The following IREB2 variants were observed in gnomAD, a reference collection of about 807,000 sequenced individuals.
IREB2 encodes the protein iron-responsive element-binding protein 2.
Under a neutral mutation model 118.8 loss-of-function variants are expected in IREB2, and 39 were observed. That is an observed-to-expected ratio of 0.33 (90% CI 0.25 to 0.43). The LOEUF (loss-of-function observed/expected upper bound fraction) is 0.43, where lower values mean the gene tolerates loss of function less well. Among genes scored for constraint, IREB2 ranks in the 20% least tolerant of loss-of-function variants. The probability of loss-of-function intolerance (pLI) is 1.00; values close to 1 mark genes in which losing one functional copy is unlikely to be tolerated. For synonymous variants in IREB2, 372 were observed against 392.2 expected (o/e 0.95, Z 0.61); for missense variants, 900 against 1,147.3 (o/e 0.78, Z 3.11).
intron 20 of IREB2, among the ~76,000 whole-genome samples, chr15:78,495,761 C>G (rs1348189688): frequency 6.6e-6 from 1 of 152,070 alleles, no homozygotes; most frequent in African/African-American, 2.4e-5. Context: ...AAAAAAAATT[C>G]TACTTTTTGC....
chr15:78,443,783 A>G (rs2050883205), intron 2 of IREB2, among the ~76,000 whole-genome samples: 1 of 152,026 alleles, frequency 6.6e-6, no homozygotes, highest in African/African-American at 2.4e-5. Flanking sequence ...AGTAGCTGGG[A>G]CTACAGGTGT....
intron 11 of IREB2, among the ~76,000 whole-genome samples, chr15:78,483,905 C>A (rs2051616532): frequency 6.6e-6 from 1 of 151,876 alleles, no homozygotes; most frequent in Admixed American, 6.6e-5. Flanking sequence ...CTGCCTCAGC[C>A]CCCAAAGTAG....
intron 11 of IREB2, among the ~76,000 whole-genome samples, chr15:78,484,391 T>C (rs1326464192): frequency 6.6e-6 from 1 of 152,132 alleles, no homozygotes; most frequent in East Asian, 1.9e-4. Context: ...ACACATAGGA[T>C]CCCTTTGGAG....
At position 78,488,644 on chromosome 15, in the gene IREB2, C is replaced by T; in HGVS notation, c.1952-3C>T. On this transcript the variant is annotated splice_polypyrimidine_tract_variant and splice_region_variant and intron_variant, in intron 15 of 21. Transcript: ENST00000258886. ...GAGTATCATGTTCAAAAATTTTAAC[C>T]AGGTACTGACCCCACCGGCAAGAAC... 2 of 1,589,186 alleles carry T rather than the reference C, an allele frequency of 1.3e-6. No individual in the cohort carries two copies. The highest frequency in any genetic ancestry group is 1.7e-6 in the Non-Finnish European group (2 of 1,173,172).
At chr15:78,488,861 T>G in intron 16 of IREB2, 90 bp downstream of exon 16, 1 of 742,194 alleles carries the variant, frequency 1.3e-6, no homozygotes, top group Middle Eastern at 3.6e-4. Flanking sequence ...AAAATTAAAA[T>G]TACATTATTT....
chr15:78,460,352 T>G (rs2141471934), intron 2 of IREB2, among the ~76,000 whole-genome samples: 1 of 152,356 alleles, frequency 6.6e-6, no homozygotes. Flanking sequence ...CCCCTTTATT[T>G]GTCAGTTTTC....
At chr15:78,471,130 G>A (rs1465356177) in intron 6 of IREB2, among the ~76,000 whole-genome samples, 1 of 151,964 alleles carries the variant, frequency 6.6e-6, no homozygotes, top group Non-Finnish European at 1.5e-5. Context: ...TTGTGCCTCA[G>A]CCTCCTGAGT....
At chr15:78,438,095 C>G (rs1376912121), upstream of IREB2, 1 of 502,336 alleles carries the variant, frequency 2.0e-6, no homozygotes, top group African/African-American at 2.0e-5. Flanking sequence ...AAATCGCTTT[C>G]TGGTTAGCTC....
chr15:78,470,804 C>G, intron 6 of IREB2: 2 of 338,700 alleles, frequency 5.9e-6, no homozygotes, highest in Non-Finnish European at 1.1e-5. Context: ...AAGCAGTTCT[C>G]CTGCCTCAGC....
At chr15:78,466,169 T>C (rs1377291984) in intron 4 of IREB2, 102 bp from the exon 5 acceptor site, 3 of 657,110 alleles carry the variant, frequency 4.6e-6, no homozygotes, top group Non-Finnish European at 7.8e-6. Context: ...TAAACATCAT[T>C]CAGTTACTTC....
chr15:78,494,705 C>T (rs769084647), intron 20 of IREB2, among the ~76,000 whole-genome samples: 8 of 152,132 alleles, frequency 5.3e-5, no homozygotes, highest in Admixed American at 1.3e-4. Context: ...TCCCAAGTAG[C>T]TGGGACTACG....
rs1233945672 is a variant in IREB2, at chr15:78,488,652, G to A, written c.1957G>A (p.Asp653Asn). 6 of 1,606,460 alleles carry A rather than the reference G, an allele frequency of 3.7e-6. No homozygotes were observed. In the South Asian group the frequency reaches 5.6e-5, roughly 15 times the overall value. ...IDFQTEPLGT[D>N]PTGKNIYLHD... ...TGTTCAAAAATTTTAACCAGGTACT[G>A]ACCCCACCGGCAAGAACATTTACCT... Residue 653 changes from aspartate to asparagine, a missense_variant, in exon 16 of 22, where the codon GAC becomes AAC. Coordinates refer to ENST00000258886, the MANE Select transcript of IREB2 (RefSeq NM_004136.4).
chr15:78,491,700 GT>G (rs2051753666), intron 18 of IREB2, among the ~76,000 whole-genome samples: 1 of 152,034 alleles, frequency 6.6e-6, no homozygotes, highest in African/African-American at 2.4e-5. Flanking sequence ...GTTTCACCAT[GT>G]TGGTCAGGCT....
At chr15:78,463,202 G>A in intron 3 of IREB2, 115 bp downstream of exon 3, 1 of 839,488 alleles carries the variant, frequency 1.2e-6, no homozygotes, top group Non-Finnish European at 1.8e-6. Context: ...ACTTTGGGAG[G>A]CCAAGGCAGG....
intron 9 of IREB2, 34 bp downstream of exon 9, chr15:78,476,393 T>G (rs773520499): frequency 7.1e-7 from 1 of 1,412,996 alleles, no homozygotes; most frequent in Non-Finnish European, 9.8e-7. Context: ...AATAAACATG[T>G]TACATTTCCA....
rs778918917 is a variant in IREB2, at chr15:78,484,924, G to A, written c.1573+4G>A. On this transcript the variant is annotated splice_donor_region_variant and intron_variant, in intron 12 of 21. Transcript: ENST00000258886. ...CCATCTGTCATGCTTGCTGCAGGTG[G>A]GTTGTGGTTTATGGCCATACTTTTT... The A allele has an allele frequency of 6.8e-6, 11 of 1,610,150 alleles. No individual in the cohort carries two copies. The highest frequency in any genetic ancestry group is 9.3e-6 in the Non-Finnish European group (11 of 1,178,104).
rs1243998135 is a variant in IREB2 at position 78,500,347 on chromosome 15, T to G, written c.*2204T>G. Reference sequence around the variant, plus strand: ...TCAAGGTTCTCTTAATTTTTTGGCTTATATACAATGAAGTAAAAACTTGAT... The same window carrying G: ...TCAAGGTTCTCTTAATTTTTTGGCTGATATACAATGAAGTAAAAACTTGAT... On this transcript the variant is annotated 3_prime_UTR_variant, in exon 22 of 22. Transcript: ENST00000258886. The G allele has an allele frequency of 1.3e-5, 2 of 152,162 alleles. No homozygotes were observed. Among genetic ancestry groups the G allele is most frequent in the African/African-American group, 4.8e-5 (2 of 41,428 alleles). 9.4% of individuals were successfully genotyped at this position (152,162 alleles called of 1,614,324 possible).
chr15:78,458,673 A>G (rs536956819), intron 2 of IREB2, among the ~76,000 whole-genome samples: 1 of 152,234 alleles, frequency 6.6e-6, no homozygotes, highest in Non-Finnish European at 1.5e-5. Flanking sequence ...AGCACCTGCC[A>G]CTGTTTCTAA....
intron 5 of IREB2, among the ~76,000 whole-genome samples, chr15:78,468,176 T>TA (rs2051316625): frequency 6.6e-6 from 1 of 152,166 alleles, no homozygotes; most frequent in African/African-American, 2.4e-5. Context: ...TTAAGAGAGT[T>TA]ATGTGAATTG....
Sources: allele counts gnomAD v4.1 joint callset (sites outside exome capture counted in the v4.1 genomes callset), GRCh38; gene constraint gnomAD v4.1.1; transcripts MANE v1.5; gene names NCBI Gene and HGNC (gene_info 2026-07-23, HGNC 2026-07-21).